SYT17: variants seen among roughly 807,000 people sequenced by gnomAD.
SYT17 encodes synaptotagmin-17.
SYT17 carries 22 observed loss-of-function variants against 46.7 expected under a neutral mutation model. The observed-to-expected ratio is 0.47, with a 90% CI of 0.34 to 0.67. The LOEUF (loss-of-function observed/expected upper bound fraction) is 0.67. Ranked by LOEUF, SYT17 falls within the 30% of genes least tolerant of loss-of-function variation. The probability of loss-of-function intolerance (pLI) is 0.01; values close to 1 mark genes in which losing one functional copy is unlikely to be tolerated. For synonymous variants in SYT17, 251 were observed against 248.4 expected, an observed-to-expected ratio of 1.01 and a Z score of -0.10; for missense variants, 519 against 612.8, an observed-to-expected ratio of 0.85 and a Z score of 1.62.
intron 5 of SYT17, among the ~76,000 whole-genome samples, chr16:19,198,102 C>A (rs539520634): frequency 6.6e-6 from 1 of 152,042 alleles, no homozygotes; most frequent in Non-Finnish European, 1.5e-5. Context: ...CTCCCAGAGC[C>A]AATTGTTAAG....
At chr16:19,178,148 A>T (rs145488443) in intron 3 of SYT17, among the ~76,000 whole-genome samples, 5 of 151,782 alleles carry the variant, frequency 3.3e-5, no homozygotes, top group African/African-American at 9.7e-5. Flanking sequence ...CAGTGGTGCA[A>T]TCTCGCTCAC....
chr16:19,264,441 A>G (rs898947164), intron 7 of SYT17, among the ~76,000 whole-genome samples: 22 of 152,168 alleles, frequency 1.4e-4, no homozygotes, highest in African/African-American at 5.1e-4. Context: ...TTGTGCAGAA[A>G]ATTCTATGGG....
chr16:19,226,559 C>G (rs1966503725), intron 7 of SYT17, among the ~76,000 whole-genome samples: 1 of 152,150 alleles, frequency 6.6e-6, no homozygotes, highest in Non-Finnish European at 1.5e-5. Context: ...CAGGGGATGC[C>G]TGCCATATGC....
intron 3 of SYT17, among the ~76,000 whole-genome samples, chr16:19,178,152 C>CG (rs1421871973): frequency 1.3e-5 from 2 of 151,558 alleles, no homozygotes; most frequent in East Asian, 3.9e-4. Context: ...GGTGCAATCT[C>CG]GCTCACTGCA....
chr16:19,212,419 G>A (rs1032747543), intron 5 of SYT17, among the ~76,000 whole-genome samples: 3 of 152,080 alleles, frequency 2.0e-5, no homozygotes, highest in Admixed American at 6.6e-5. Flanking sequence ...TCAGGAGTTC[G>A]AGACCAGCCT....
chr16:19,210,491 ATT>A (rs35383401), intron 5 of SYT17, among the ~76,000 whole-genome samples: 50 of 146,636 alleles, frequency 3.4e-4, no homozygotes, highest in Admixed American at 6.8e-4. Context: ...TTTAAAGGGT[ATT>A]TTTTTTTTTT....
chr16:19,240,732 T>C (rs1015365940), intron 7 of SYT17, among the ~76,000 whole-genome samples: 1 of 152,216 alleles, frequency 6.6e-6, no homozygotes, highest in Non-Finnish European at 1.5e-5. Flanking sequence ...CTGCTGCTCA[T>C]GCCAGGTTGC....
At chr16:19,253,426 C>T (rs972854085) in intron 7 of SYT17, among the ~76,000 whole-genome samples, 10 of 151,958 alleles carry the variant, frequency 6.6e-5, no homozygotes, top group Non-Finnish European at 1.0e-4. Flanking sequence ...TTTTAATTAG[C>T]TAAGTGTGGT....
At chr16:19,239,645 T>C (rs1966942975) in intron 7 of SYT17, among the ~76,000 whole-genome samples, 1 of 152,236 alleles carries the variant, frequency 6.6e-6, no homozygotes, top group South Asian at 2.1e-4. Flanking sequence ...ACTCATTTAA[T>C]CTGCATAGAA....
chr16:19,237,570 A>G (rs1966865881), intron 7 of SYT17, among the ~76,000 whole-genome samples: 1 of 152,310 alleles, frequency 6.6e-6, no homozygotes, highest in African/African-American at 2.4e-5. Flanking sequence ...TTTCTGCATA[A>G]TCCACCCTTT....
intron 7 of SYT17, among the ~76,000 whole-genome samples, chr16:19,253,298 G>T (rs1968321775): frequency 6.6e-6 from 1 of 152,168 alleles, no homozygotes; most frequent in Non-Finnish European, 1.5e-5. Flanking sequence ...GCTCATGCTT[G>T]TAATCCCAAG....
intron 5 of SYT17, among the ~76,000 whole-genome samples, chr16:19,209,589 G>A (rs1453185255): frequency 5.3e-5 from 8 of 152,160 alleles, no homozygotes; most frequent in Non-Finnish European, 8.8e-5. Context: ...TCAACATTTC[G>A]GCTGGGCGCG....
chr16:19,262,333 G>A (rs558171489), intron 7 of SYT17, among the ~76,000 whole-genome samples: 3 of 152,264 alleles, frequency 2.0e-5, no homozygotes, highest in South Asian at 4.2e-4. Context: ...TGCTTCTATT[G>A]CATGAGAAGG....
Position 19,220,303 on chromosome 16 carries a change from C to CTTTCTTTTTTTTTTTTTTT in SYT17, c.952-2739_952-2738insCTTTTTTTTTTTTTTTTTT, listed in dbSNP as rs776097400. Among the ~76,000 whole-genome samples the CTTTCTTTTTTTTTTTTTTT allele has an allele frequency of 1.5e-4, 12 of 80,514 alleles. 1 individual carries two copies. The highest frequency in any genetic ancestry group is 9.8e-4 in the East Asian group (2 of 2,046). The allele number at this position is 80,514 out of a possible 152,430, so 52.8% of individuals were successfully genotyped here. ...TTCAATGACATTTCTTTCTTTCTTT[C>CTTTCTTTTTTTTTTTTTTT]TTTTTTTTTTTTTTTTTGAGATGAA... is the stretch of plus-strand genomic sequence containing the variant. On this transcript the variant is annotated intron_variant, in intron 5 of 7. Transcript: ENST00000355377.
At chr16:19,211,988 AG>A (rs1449621356) in intron 5 of SYT17, among the ~76,000 whole-genome samples, 1 of 152,150 alleles carries the variant, frequency 6.6e-6, no homozygotes, top group Non-Finnish European at 1.5e-5. Flanking sequence ...GAAGTCTCAG[AG>A]GTAGGCAGGA....
chr16:19,185,770 C>T, intron 5 of SYT17, among the ~76,000 whole-genome samples: 1 of 152,226 alleles, frequency 6.6e-6, no homozygotes, highest in Admixed American at 6.5e-5. Context: ...CACCACCTCG[C>T]AGCGAGGGCC....
intron 5 of SYT17, chr16:19,211,323 T>G: frequency 1.5e-6 from 1 of 684,734 alleles, no homozygotes; most frequent in Non-Finnish European, 2.7e-6. Flanking sequence ...ACAACCCCTC[T>G]CGGCCCGTGG....
chr16:19,211,179 A>C, intron 5 of SYT17: 4 of 435,916 alleles, frequency 9.2e-6, no homozygotes, highest in Non-Finnish European at 1.2e-5. Context: ...CAAGAAAGGA[A>C]ATGAGGCCTG....
At chr16:19,232,876 A>C (rs1008129775) in intron 7 of SYT17, among the ~76,000 whole-genome samples, 14 of 150,408 alleles carry the variant, frequency 9.3e-5, no homozygotes, top group Admixed American at 5.3e-4. Context: ...ACTCTCTAGC[A>C]CTGGTCCCTA....
Sources: gnomAD v4.1 joint callset for allele counts (sites outside exome capture counted in the v4.1 genomes callset) on GRCh38, gnomAD v4.1.1 for gene constraint, MANE v1.5 for transcripts, NCBI Gene and HGNC (gene_info 2026-07-23, HGNC 2026-07-21) for gene names.